Variants in SEMA5A observed in about 807,000 individuals in gnomAD.
SEMA5A encodes the protein semaphorin 5A.
In SEMA5A, 55 loss-of-function variants were observed where a neutral mutation model predicts 135.5. That is an observed-to-expected ratio of 0.41 (90% CI 0.33 to 0.51). The LOEUF (loss-of-function observed/expected upper bound fraction) is 0.51, where lower values mean the gene tolerates loss of function less well. Ranked by LOEUF, SEMA5A falls within the 20% of genes least tolerant of loss-of-function variation. The pLI is 0.37. For synonymous variants in SEMA5A, 580 were observed against 546.5 expected (o/e 1.06, Z -0.85); for missense variants, 1,290 against 1,419.9 (o/e 0.91, Z 1.47).
chr5:9,046,616 C>G (rs1341575100), intron 21 of SEMA5A, among the ~76,000 whole-genome samples: 2 of 152,186 alleles, frequency 1.3e-5, no homozygotes, highest in East Asian at 3.9e-4. Context: ...GGAAGCTGAA[C>G]CTACAGTCAG....
intron 13 of SEMA5A, among the ~76,000 whole-genome samples, chr5:9,134,156 C>T (rs556014691): frequency 6.6e-6 from 1 of 152,186 alleles, no homozygotes; most frequent in African/African-American, 2.4e-5. Flanking sequence ...TATAAATGAC[C>T]GGTCTAGGTA....
At chr5:9,259,013 G>C (rs1749251541) in intron 5 of SEMA5A, among the ~76,000 whole-genome samples, 1 of 151,646 alleles carries the variant, frequency 6.6e-6, no homozygotes, top group Non-Finnish European at 1.5e-5. Context: ...GTAGAGGTGG[G>C]GTTTCACCAT....
chr5:9,054,167 T>A lies in SEMA5A; in HGVS notation c.2609A>T (p.Asn870Ile), dbSNP rs1736757122. ...GHYMRTRSCS[N>I]PAPAYGGDIC... is the part of the protein sequence containing the mutation. ...GTCCCCTCCATAGGCCGGGGCTGGA[T>A]TGGAGCAAGAGCGGGTCCTCATATA... Residue 870 changes from asparagine to isoleucine, a missense_variant, in exon 19 of 23, where the codon AAT becomes ATT. Physicochemically the swap from Asn to Ile is moderately radical, Grantham distance 149. Coordinates refer to ENST00000382496, the MANE Select transcript of SEMA5A (RefSeq NM_003966.3). The A allele has an allele frequency of 6.2e-7, 1 of 1,613,910 alleles. No individual in the cohort carries two copies. The highest frequency in any genetic ancestry group is 8.5e-7 in the Non-Finnish European group (1 of 1,179,994).
Position 9,040,853 on chromosome 5 carries a change from C to T in SEMA5A, c.*2044G>A, listed in dbSNP as rs537873918. The stretch of plus-strand genomic sequence containing the variant: ...GCTTACAAACTATTAGGGAAGAAGA[C>T]TCAAAAATAACTAAAATGTGCTACA... On this transcript the variant is annotated 3_prime_UTR_variant, in exon 23 of 23. Transcript: ENST00000382496. The T allele has an allele frequency of 8.5e-4, 130 of 152,254 alleles. No homozygotes were observed. Among genetic ancestry groups the T allele is most frequent in the Middle Eastern group, 3.4e-3 (1 of 294 alleles). The allele number at this position is 152,254 out of a possible 1,614,324, so 9.4% of individuals were successfully genotyped here.
At chr5:9,446,641 G>C (rs1758445697) in intron 1 of SEMA5A, among the ~76,000 whole-genome samples, 1 of 152,058 alleles carries the variant, frequency 6.6e-6, no homozygotes, top group Non-Finnish European at 1.5e-5. Flanking sequence ...GGGTGTCTGA[G>C]ACCCTTTGAA....
intron 17 of SEMA5A, among the ~76,000 whole-genome samples, chr5:9,063,764 C>G (rs987625453): frequency 6.6e-5 from 10 of 152,208 alleles, no homozygotes; most frequent in African/African-American, 2.4e-4. Context: ...CCAAGAGAGG[C>G]AGCAGCAGCA....
intron 1 of SEMA5A, among the ~76,000 whole-genome samples, chr5:9,468,871 A>G (rs1759366735): frequency 6.6e-6 from 1 of 152,216 alleles, no homozygotes; most frequent in African/African-American, 2.4e-5. Flanking sequence ...AAAGCATTTC[A>G]TACCTACCGT....
chr5:9,385,952 C>A (rs1026174879), intron 2 of SEMA5A, among the ~76,000 whole-genome samples: 8 of 151,890 alleles, frequency 5.3e-5, no homozygotes, highest in Admixed American at 2.0e-4. Flanking sequence ...CAGGCACACA[C>A]CACCACACCT....
At chr5:9,305,734 G>A (rs866067489) in intron 5 of SEMA5A, among the ~76,000 whole-genome samples, 2,358 of 142,532 alleles carry the variant, frequency 0.017, 106 homozygotes, top group African/African-American at 0.053. Context: ...ATATTTACAC[G>A]CACACACACA....
At chr5:9,311,347 C>T (rs1561134233) in intron 5 of SEMA5A, among the ~76,000 whole-genome samples, 1 of 152,030 alleles carries the variant, frequency 6.6e-6, no homozygotes, top group Non-Finnish European at 1.5e-5. Flanking sequence ...CTCAATCCCC[C>T]CAACCCAGAT....
In SEMA5A at chr5:9,036,249, A is replaced by G. The variant is rs2150007502; in HGVS notation, c.*6648T>C. The G allele has an allele frequency of 6.6e-6, 1 of 152,032 alleles. No homozygotes were observed. The highest frequency in any genetic ancestry group is 2.4e-5 in the African/African-American group (1 of 41,252). 9.4% of individuals were successfully genotyped at this position (152,032 alleles called of 1,614,324 possible). On this transcript the variant is annotated 3_prime_UTR_variant, in exon 23 of 23. Transcript: ENST00000382496. ...GCAGAGGTTCAGCTTGCTTTTGGCCAACAGTCATGGTAAAAGAGAAAAACA... is the reference window on the plus strand; with the variant it reads ...GCAGAGGTTCAGCTTGCTTTTGGCCGACAGTCATGGTAAAAGAGAAAAACA...
rs755399590 is a variant in SEMA5A, at chr5:9,042,909, A to G, written c.3213T>C (p.Tyr1071=). 9 of 1,614,066 alleles carry G rather than the reference A, an allele frequency of 5.6e-6. No homozygotes were observed. In the Admixed American group the frequency reaches 1.5e-4, roughly 27 times the overall value. Residue 1071 remains tyrosine, a synonymous_variant, in exon 23 of 23, where the codon TAT becomes TAC. Coordinates refer to ENST00000382496, the MANE Select transcript of SEMA5A (RefSeq NM_003966.3). ...SNAYFTDLNN[Y]DEY is the part of the protein sequence containing the mutation. ...AACATGAAAGCTGTTAGTACTCATC[A>G]TAATTATTGAGATCTGTAAAGTAGG... is the stretch of plus-strand genomic sequence containing the variant.
Position 9,297,967 on chromosome 5 carries a change from G to GAGTTAA in SEMA5A, c.270+20399_270+20404dup, listed in dbSNP as rs914661707. Among the ~76,000 whole-genome samples, 25 of 152,068 alleles carry GAGTTAA rather than the reference G, an allele frequency of 1.6e-4. 1 individual carries two copies. The highest frequency in any genetic ancestry group is 1.0e-4 in the Non-Finnish European group (7 of 68,012). On this transcript the variant is annotated intron_variant, in intron 5 of 22. Coordinates refer to ENST00000382496, the MANE Select transcript of SEMA5A (RefSeq NM_003966.3). ...ACTAAAACACACACAAATACACATAGAGTTAAAGAATATATAGCTATAAAG... is the reference window on the plus strand; with the variant it reads ...ACTAAAACACACACAAATACACATAGAGTTAAAGTTAAAGAATATATAGCTATAAAG...
At chr5:9,233,861 A>G (rs1806012) in intron 6 of SEMA5A, among the ~76,000 whole-genome samples, 3,677 of 152,208 alleles carry the variant, frequency 0.024, 157 homozygotes, top group African/African-American at 0.083. Context: ...ATTCCAGCTC[A>G]GCTCAGCAGC....
chr5:9,429,995 A>AGC (rs1444277089), intron 2 of SEMA5A, among the ~76,000 whole-genome samples: 2 of 152,236 alleles, frequency 1.3e-5, no homozygotes, highest in Non-Finnish European at 2.9e-5. Context: ...AGACGGCCGG[A>AGC]AGACCTGAGA....
At chr5:9,401,254 T>G (rs184982084) in intron 2 of SEMA5A, among the ~76,000 whole-genome samples, 71 of 152,340 alleles carry the variant, frequency 4.7e-4, no homozygotes, top group African/African-American at 1.4e-3. Flanking sequence ...CGCGCCACAC[T>G]GCCTGGACCT....
chr5:9,532,526 G>A (rs986865944), intron 1 of SEMA5A, among the ~76,000 whole-genome samples: 3 of 150,486 alleles, frequency 2.0e-5, no homozygotes, highest in Non-Finnish European at 4.4e-5. Flanking sequence ...GACCTCAGGT[G>A]GTCCACCCAC....
At chr5:9,061,451 C>T (rs551139250) in intron 18 of SEMA5A, among the ~76,000 whole-genome samples, 35 of 152,096 alleles carry the variant, frequency 2.3e-4, no homozygotes, top group African/African-American at 8.0e-4. Context: ...GAGCTTCAGA[C>T]AAAAGTCAAG....
At chr5:9,109,356 A>G (rs1259963071) in intron 15 of SEMA5A, among the ~76,000 whole-genome samples, 1 of 152,122 alleles carries the variant, frequency 6.6e-6, no homozygotes, top group Non-Finnish European at 1.5e-5. Flanking sequence ...TCAATTTTTA[A>G]CACTGCAAGT....
Sources: gnomAD v4.1 joint callset for allele counts (sites outside exome capture counted in the v4.1 genomes callset) on GRCh38, gnomAD v4.1.1 for gene constraint, MANE v1.5 for transcripts, NCBI Gene and HGNC (gene_info 2026-07-23, HGNC 2026-07-21) for gene names.